Variants in TYRO3 observed in about 807,000 individuals in gnomAD.
The protein encoded by TYRO3 is tyrosine-protein kinase receptor TYRO3.
TYRO3 carries 38 observed loss-of-function variants against 95.2 expected under a neutral mutation model. That is an observed-to-expected ratio of 0.40 (90% CI 0.31 to 0.52). The LOEUF (loss-of-function observed/expected upper bound fraction) is 0.52, where lower values mean the gene tolerates loss of function less well. Among genes scored for constraint, TYRO3 ranks in the 20% least tolerant of loss-of-function variants. TYRO3 has a pLI of 0.56. For missense variants in TYRO3, 812 were observed against 1,116.4 expected (o/e 0.73, Z 3.89); for synonymous variants, 367 against 432.9 (o/e 0.85, Z 1.89).
intron 6 of TYRO3, among the ~76,000 whole-genome samples, chr15:41,566,064 G>C (rs921195372): frequency 6.6e-6 from 1 of 152,124 alleles, no homozygotes; most frequent in African/African-American, 2.4e-5. Context: ...TGTAATCCCA[G>C]CACTTTGGGA....
At position 41,567,383 on chromosome 15, in the gene TYRO3, G is replaced by A; in HGVS notation, c.807G>A (p.Trp269Ter). 6.3e-7 allele frequency: 1 copy of A among 1,582,506 alleles called. No individual in the cohort carries two copies. Among genetic ancestry groups the A allele is most frequent in the Non-Finnish European group, 8.6e-7 (1 of 1,168,668 alleles). The part of the protein sequence containing the change: ...TVQVTQAPGG[W>*]EVLAVVVPVP... ...AGGTGACACAGGCCCCAGGAGGCTG[G>A]GAAGTCCTGGCTGTTGTGGTCCCTG... is the stretch of plus-strand genomic sequence containing the variant. Residue 269 changes from tryptophan to a stop codon, truncating the protein, a stop_gained, in exon 7 of 19, where the codon TGG becomes TGA. Transcript: ENST00000263798. LOFTEE classifies it high-confidence loss of function.
At chr15:41,576,756 T>G (rs1566904685) in intron 18 of TYRO3, among the ~76,000 whole-genome samples, 1 of 147,052 alleles carries the variant, frequency 6.8e-6, no homozygotes, top group Non-Finnish European at 1.5e-5. Context: ...ATCAAACCCC[T>G]GGGTTCAAGA....
In TYRO3 at chr15:41,573,863, T is replaced by G. The variant is rs372689887; in HGVS notation, c.2282+48T>G. The G allele has an allele frequency of 1.8e-4, 242 of 1,368,744 alleles. No individual in the cohort carries two copies. The highest frequency in any genetic ancestry group is 2.2e-4 in the Non-Finnish European group (223 of 1,016,242). 84.8% of individuals were successfully genotyped at this position (1,368,744 alleles called of 1,614,324 possible). A position where few individuals can be genotyped will look rare whatever the true frequency, so the allele number is the denominator to read the frequency against. On this transcript the variant is annotated intron_variant, in intron 18 of 18. Coordinates refer to ENST00000263798, the MANE Select transcript of TYRO3 (RefSeq NM_006293.4). ...TCTGGAAGGAAAGGGGAATCTGGAG[T>G]TTTGGCTGATGGCTGCCACCACAGT...
intron 18 of TYRO3, 113 bp from the exon 19 acceptor site, chr15:41,577,773 G>T: frequency 2.7e-6 from 3 of 1,125,466 alleles, no homozygotes; most frequent in Non-Finnish European, 2.5e-6. Context: ...GATGCGAGCC[G>T]CTGTGCCCCA....
intron 18 of TYRO3, among the ~76,000 whole-genome samples, chr15:41,576,832 AT>A (rs35102460): frequency 0.95 from 141,168 of 148,692 alleles, 67,345 homozygotes; most frequent in Non-Finnish European, 1. Context: ...TTGCTTATTA[AT>A]TTTTTTTTTT....
At position 41,578,225 on chromosome 15, in the gene TYRO3, A is replaced by G. The variant is rs144967902; in HGVS notation, c.2622A>G (p.Thr874=). The G allele has an allele frequency of 9.3e-5, 150 of 1,613,736 alleles. 1 individual carries two copies. In the African/African-American group the frequency reaches 1.7e-3, roughly 18 times the overall value. ...AGCCAGAGAGTCCCCTCAATGAGACACAGAGGCTTTTGCTGCTGCAGCAAG... is the reference window on the plus strand; with the variant it reads ...AGCCAGAGAGTCCCCTCAATGAGACGCAGAGGCTTTTGCTGCTGCAGCAAG... ...EHQPESPLNE[T]QRLLLLQQGL... The change falls in exon 19 of 19, where the codon ACA becomes ACG. Residue 874 remains threonine, a synonymous_variant. Transcript: ENST00000263798.
chr15:41,561,066 G>A, intron 1 of TYRO3, 61 bp from the exon 2 acceptor site: 2 of 1,433,320 alleles, frequency 1.4e-6, no homozygotes, highest in Non-Finnish European at 9.5e-7. Flanking sequence ...AAGAGAATGG[G>A]AACTGTTTAC....
chr15:41,560,416 TGTGTGTGTGTGTGCGC>T (rs1286713437), intron 1 of TYRO3, among the ~76,000 whole-genome samples: 5 of 143,940 alleles, frequency 3.5e-5, no homozygotes, highest in African/African-American at 1.3e-4. Flanking sequence ...TGTGTGTGTG[TGTGTGTGTGTGTGCGC>T]GCGCGCGCGC....
intron 5 of TYRO3, 177 bp from the exon 6 acceptor site, chr15:41,564,849 A>G: frequency 1.7e-6 from 1 of 597,160 alleles, no homozygotes; most frequent in East Asian, 2.9e-5. Context: ...AGGTGTGAGC[A>G]GCTGTGCCCT....
At chr15:41,571,445 C>T in intron 13 of TYRO3, 150 bp from the exon 14 acceptor site, 1 of 645,610 alleles carries the variant, frequency 1.5e-6, no homozygotes. Context: ...AGTATCACCA[C>T]TCCTTGGGGG....
chr15:41,574,567 A>G (rs2055838694), intron 18 of TYRO3: 3 of 445,164 alleles, frequency 6.7e-6, no homozygotes, highest in South Asian at 3.1e-5. Flanking sequence ...TAGTAAGTGA[A>G]TAAGTTGGAA....
At chr15:41,560,463 A>G (rs2055638941) in intron 1 of TYRO3, among the ~76,000 whole-genome samples, 1 of 141,704 alleles carries the variant, frequency 7.1e-6, no homozygotes, top group African/African-American at 2.7e-5. Flanking sequence ...GCAAGTTCCA[A>G]AGAGTGGCCC....
rs762786873 is a variant in TYRO3, at chr15:41,568,376, C to T, written c.1107+14C>T. The T allele has an allele frequency of 4.6e-6, 7 of 1,513,490 alleles. No homozygotes were observed. In the South Asian group the frequency reaches 7.1e-5, roughly 15 times the overall value. 93.8% of individuals were successfully genotyped at this position (1,513,490 alleles called of 1,614,324 possible). A position where few individuals can be genotyped will look rare whatever the true frequency, so the allele number is the denominator to read the frequency against. Reference sequence around the variant, plus strand: ...AATGGAACCCAGGTAAGACAGAACCCTCCCCTCTCTCCACTCTCCTGGAGT... The same window carrying T: ...AATGGAACCCAGGTAAGACAGAACCTTCCCCTCTCTCCACTCTCCTGGAGT... On this transcript the variant is annotated intron_variant, in intron 8 of 18. Coordinates refer to ENST00000263798, the MANE Select transcript of TYRO3 (RefSeq NM_006293.4).
At chr15:41,568,437 C>T in intron 8 of TYRO3, 75 bp downstream of exon 8, 2 of 1,465,878 alleles carry the variant, frequency 1.4e-6, no homozygotes, top group South Asian at 2.7e-5. Context: ...TTAAGAATTT[C>T]AAAATGATTG....
intron 9 of TYRO3, among the ~76,000 whole-genome samples, chr15:41,569,685 T>A (rs1035159844): frequency 6.6e-6 from 1 of 152,188 alleles, no homozygotes; most frequent in African/African-American, 2.4e-5. Context: ...AAGGATTGCT[T>A]GAGCCCAGGA....
chr15:41,562,744 G>A (rs1156440466), intron 4 of TYRO3, 26 bp downstream of exon 4: 1 of 1,587,162 alleles, frequency 6.3e-7, no homozygotes, highest in Non-Finnish European at 8.6e-7. Flanking sequence ...AGGGGGCTGG[G>A]AGTGGAGAAG....
chr15:41,567,425 C>T lies in TYRO3; in HGVS notation c.849C>T (p.Cys283=), dbSNP rs2055738177. 5 of 1,610,222 alleles carry T rather than the reference C, an allele frequency of 3.1e-6. No individual in the cohort carries two copies. The highest frequency in any genetic ancestry group is 4.2e-6 in the Non-Finnish European group (5 of 1,178,678). Residue 283 remains cysteine, a synonymous_variant, in exon 7 of 19, where the codon TGC becomes TGT. Transcript: ENST00000263798. ...AVVVPVPPFT[C]LLRDLVPATN... ...TGGTCCCTGTGCCCCCCTTTACCTGCCTGCTCCGGGACCTGGTGCCTGCCA... is the reference window on the plus strand; with the variant it reads ...TGGTCCCTGTGCCCCCCTTTACCTGTCTGCTCCGGGACCTGGTGCCTGCCA...
In TYRO3 at chr15:41,565,158, G is replaced by A. The variant is rs757305478; in HGVS notation, c.783+17G>A. The A allele has an allele frequency of 2.0e-5, 30 of 1,537,094 alleles. 1 individual carries two copies. In the Middle Eastern group the frequency reaches 1.3e-3, roughly 69 times the overall value. ...ACAGTTCAGGTAGGCTCTCCGGGCC[G>A]GGCCATGCTCGTTCTGGCTGCATGG... On this transcript the variant is annotated intron_variant, in intron 6 of 18. Transcript: ENST00000263798.
rs1251983478 is a variant in TYRO3, at chr15:41,559,367, A to C, written c.110A>C (p.Glu37Ala). The change falls in exon 1 of 19, where the codon GAG (glutamate) becomes GCG (alanine). Residue 37 changes from glutamate to alanine, a missense_variant. Transcript: ENST00000263798. ...GCTCTGGCTTCTCTGCTGCTCCCGG[A>C]GTCCGCCGCCGCAGGTAGGGGCTGG... is the stretch of plus-strand genomic sequence containing the variant. ...LAALASLLLP[E>A]SAAAGLKLMG... 1.8e-5 allele frequency: 4 copies of C among 219,344 alleles called. No individual in the cohort carries two copies. Among genetic ancestry groups the C allele is most frequent in the Non-Finnish European group, 3.8e-5 (4 of 105,810 alleles). 13.6% of individuals were successfully genotyped at this position (219,344 alleles called of 1,614,324 possible). A position where few individuals can be genotyped will look rare whatever the true frequency, so the allele number is the denominator to read the frequency against.
Sources: gnomAD v4.1 joint callset for allele counts (sites outside exome capture counted in the v4.1 genomes callset) on GRCh38, gnomAD v4.1.1 for gene constraint, MANE v1.5 for transcripts, NCBI Gene and HGNC (gene_info 2026-07-23, HGNC 2026-07-21) for gene names.